The following CIT variants were observed in gnomAD, a reference collection of about 807,000 sequenced individuals.
The protein encoded by CIT is citron rho-interacting serine/threonine kinase.
CIT carries 79 observed loss-of-function variants against 272.7 expected under a neutral mutation model. The ratio of observed to expected loss-of-function variants is 0.29; its 90% CI spans 0.24 to 0.35. The LOEUF (loss-of-function observed/expected upper bound fraction) is 0.35, where lower values mean the gene tolerates loss of function less well. Ranked by LOEUF, CIT falls within the 10% of genes least tolerant of loss-of-function variation. The pLI is 1.00. For synonymous variants in CIT, 948 were observed against 995.6 expected (o/e 0.95, Z 0.90); for missense variants, 1,909 against 2,618.3 (o/e 0.73, Z 5.91).
intron 17 of CIT, among the ~76,000 whole-genome samples, chr12:119,771,893 C>T (rs912943536): frequency 3.3e-5 from 5 of 152,036 alleles, no homozygotes; most frequent in African/African-American, 1.2e-4. Flanking sequence ...CCTGGAATGA[C>T]GAGATGAATG....
chr12:119,798,519 G>A (rs1965927541), intron 10 of CIT, among the ~76,000 whole-genome samples: 1 of 152,198 alleles, frequency 6.6e-6, no homozygotes, highest in Non-Finnish European at 1.5e-5. Context: ...TTGGAACACA[G>A]CCTAGAACAC....
intron 24 of CIT, among the ~76,000 whole-genome samples, chr12:119,737,058 T>C (rs140163898): frequency 6.6e-6 from 1 of 152,154 alleles, no homozygotes; most frequent in East Asian, 1.9e-4. Flanking sequence ...TTTTCTTGCA[T>C]GTTATTTGAC....
At position 119,728,379 on chromosome 12, in the gene CIT, G is replaced by T. The variant is rs1958241234; in HGVS notation, c.3591+123C>A. On this transcript the variant is annotated intron_variant, in intron 28 of 47. Coordinates refer to ENST00000392521, the MANE Select transcript of CIT (RefSeq NM_001206999.2). This position sits in a 1 kb window ranked among gnomAD's most constrained non-coding sequence, Gnocchi z 4.3. ...TGTGGGAGGAGGAGACAGGGAGTAT[G>T]TGGGAACTCTCTGTGCTTTCTGCTC... The T allele has an allele frequency of 6.0e-6, 4 of 669,450 alleles. No individual in the cohort carries two copies. The highest frequency in any genetic ancestry group is 4.8e-5 in the Admixed American group (2 of 41,912). 41.5% of individuals were successfully genotyped at this position (669,450 alleles called of 1,614,324 possible).
chr12:119,826,096 G>T (rs1448110534), intron 7 of CIT, among the ~76,000 whole-genome samples: 1 of 151,976 alleles, frequency 6.6e-6, no homozygotes, highest in Admixed American at 6.6e-5. Context: ...AGAACTGGTG[G>T]CTAACTGGCA....
In CIT at chr12:119,709,762, A is replaced by AAGAG. The variant is rs764752861; in HGVS notation, c.5071+485_5071+488dup. Among the ~76,000 whole-genome samples the AAGAG allele has an allele frequency of 1.2e-4, 14 of 120,576 alleles. 1 individual carries two copies. The South Asian group carries it at 1.3e-3, about 11-fold the overall frequency. 79.1% of individuals were successfully genotyped at this position (120,576 alleles called of 152,430 possible). A position where few individuals can be genotyped will look rare whatever the true frequency, so the allele number is the denominator to read the frequency against. On this transcript the variant is annotated intron_variant, in intron 39 of 47. Transcript: ENST00000392521. ...CAACTAACTCTCAAATGGTTCAGGA[A>AAGAG]AGAGAGAGAGAGAGAGAGAGAGAGA...
At chr12:119,744,786 T>C (rs1014977298) in intron 23 of CIT, among the ~76,000 whole-genome samples, 1 of 151,044 alleles carries the variant, frequency 6.6e-6, no homozygotes, top group African/African-American at 2.4e-5. Flanking sequence ...TTTTTTCTAA[T>C]ATGTCTATTT....
chr12:119,709,787 A>AGAGAGAGAGTGT (rs1319008959), intron 39 of CIT, among the ~76,000 whole-genome samples: 1 of 107,634 alleles, frequency 9.3e-6, no homozygotes, highest in African/African-American at 3.5e-5. Flanking sequence ...AGAGAGAGAG[A>AGAGAGAGAGTGT]GTGTGTGTGT....
intron 24 of CIT, 68 bp from the exon 25 acceptor site, chr12:119,735,425 G>A: frequency 1.3e-6 from 2 of 1,523,134 alleles, no homozygotes; most frequent in Non-Finnish European, 1.8e-6. Flanking sequence ...TGCTTCTAGG[G>A]CTATGGATTT....
chr12:119,782,457 C>G, intron 13 of CIT, 61 bp downstream of exon 13: 1 of 1,588,406 alleles, frequency 6.3e-7, no homozygotes, highest in African/African-American at 1.3e-5. Context: ...ACACGCCTCT[C>G]CTGAAATTAG....
Position 119,713,230 on chromosome 12 carries a change from G to T in CIT, c.4552C>A (p.Leu1518Ile). Residue 1518 changes from leucine to isoleucine, a missense_variant, in exon 35 of 48, where the codon CTC becomes ATC. This residue lies in a region of CIT where 780 missense variants were observed against 1,067.2 expected (regional missense o/e 0.73). Coordinates refer to ENST00000392521, the MANE Select transcript of CIT (RefSeq NM_001206999.2). This position sits in a 1 kb window ranked among gnomAD's most constrained non-coding sequence, Gnocchi z 5.2. ...TCTCTGGCTTCATTGTCATAAATGA[G>T]GACTTTTGATCCCTCCAGGACAATG... ...KYIVLEGSKV[L>I]IYDNEAREAG... 1 of 1,613,872 alleles carries T rather than the reference G, an allele frequency of 6.2e-7. No individual in the cohort carries two copies. The highest frequency in any genetic ancestry group is 8.5e-7 in the Non-Finnish European group (1 of 1,179,840).
At chr12:119,715,013 T>A (rs1432262097) in intron 32 of CIT, among the ~76,000 whole-genome samples, 1 of 152,254 alleles carries the variant, frequency 6.6e-6, no homozygotes, top group African/African-American at 2.4e-5. Flanking sequence ...TCCCATGTGT[T>A]GGGAGGGACT....
intron 10 of CIT, 75 bp from the exon 11 acceptor site, chr12:119,785,140 T>G: frequency 6.7e-7 from 1 of 1,485,160 alleles, no homozygotes; most frequent in Non-Finnish European, 9.2e-7. Flanking sequence ...CTGCAACATT[T>G]GTTTCATTTT....
At position 119,718,489 on chromosome 12, in the gene CIT, T is replaced by C. The variant is rs1957658764; in HGVS notation, c.4004-80A>G. 1 of 1,521,416 alleles carries C rather than the reference T, an allele frequency of 6.6e-7. No homozygotes were observed. Among genetic ancestry groups the C allele is most frequent in the Non-Finnish European group, 8.9e-7 (1 of 1,126,558 alleles). 94.2% of individuals were successfully genotyped at this position (1,521,416 alleles called of 1,614,324 possible). On this transcript the variant is annotated intron_variant, in intron 31 of 47. Transcript: ENST00000392521. This position sits in a 1 kb window ranked among gnomAD's most constrained non-coding sequence, Gnocchi z 4.8. ...AACTAAGCCGAATGTCCCTGGGCTA[T>C]CTTTCAAGGACCCAAGACCAAAAGA...
chr12:119,839,673 C>T (rs982183668), intron 5 of CIT, among the ~76,000 whole-genome samples: 2 of 152,106 alleles, frequency 1.3e-5, no homozygotes, highest in African/African-American at 4.8e-5. Flanking sequence ...GCGAAAAATC[C>T]TCATTGAGTA....
rs769243652 is a variant in CIT at position 119,752,125 on chromosome 12, C to T, written c.2829G>A (p.Glu943=). ...TALQAARAAL[E]SQLRQAKTEL... ...CTGTCTTCGCCTGGCGAAGCTGGCT[C>T]TCCAGGGCCGCCCGTGCAGCCTGCA... Residue 943 remains glutamate, a synonymous_variant, in exon 23 of 48, where the codon GAG becomes GAA. Transcript: ENST00000392521. 4 of 1,612,952 alleles carry T rather than the reference C, an allele frequency of 2.5e-6. No individual in the cohort carries two copies. The highest frequency in any genetic ancestry group is 2.5e-6 in the Non-Finnish European group (3 of 1,180,032).
intron 10 of CIT, among the ~76,000 whole-genome samples, chr12:119,794,270 G>GTGAA (rs60480648): frequency 0.096 from 14,582 of 151,764 alleles, 1,637 homozygotes; most frequent in African/African-American, 0.28. Flanking sequence ...TATTTGTTGA[G>GTGAA]TGAATGAATG....
rs1192857991 is a variant in CIT, at chr12:119,712,782, GGA to G, written c.4580-89_4580-88del. 4 of 1,091,668 alleles carry G rather than the reference GGA, an allele frequency of 3.7e-6. No individual in the cohort carries two copies. The highest frequency in any genetic ancestry group is 3.1e-5 in the African/African-American group (2 of 64,652). The allele number at this position is 1,091,668 out of a possible 1,614,324, so 67.6% of individuals were successfully genotyped here. A position where few individuals can be genotyped will look rare whatever the true frequency, so the allele number is the denominator to read the frequency against. ...AAGAGAGAGCGAGAGAGACAGCAAG[GGA>G]GAGAGAGACAGGGTACGTGTGTAAA... is the stretch of plus-strand genomic sequence containing the variant. On this transcript the variant is annotated intron_variant, in intron 35 of 47. Coordinates refer to ENST00000392521, the MANE Select transcript of CIT (RefSeq NM_001206999.2). This position sits in a 1 kb window ranked among gnomAD's most constrained non-coding sequence, Gnocchi z 5.2.
intron 2 of CIT, among the ~76,000 whole-genome samples, chr12:119,872,262 G>GA (rs1950702470): frequency 6.6e-6 from 1 of 151,846 alleles, no homozygotes; most frequent in Non-Finnish European, 1.5e-5. Flanking sequence ...TAAAAAGTTG[G>GA]AAAACCTGTG....
Position 119,784,295 on chromosome 12 carries a change from A to C in CIT, c.1402-244T>G, listed in dbSNP as rs1593731867. ...CGGTTCACACTTGATCACTTCTCTA[A>C]CCCAGTTAGCAAGGAAGCCACAATC... is the stretch of plus-strand genomic sequence containing the variant. On this transcript the variant is annotated intron_variant, in intron 11 of 47. Coordinates refer to ENST00000392521, the MANE Select transcript of CIT (RefSeq NM_001206999.2). This position sits in a 1 kb window ranked among gnomAD's most constrained non-coding sequence, Gnocchi z 4.7. The C allele has an allele frequency of 6.5e-7, 1 of 1,528,082 alleles. No homozygotes were observed. The highest frequency in any genetic ancestry group is 8.9e-7 in the Non-Finnish European group (1 of 1,128,954). The allele number at this position is 1,528,082 out of a possible 1,614,324, so 94.7% of individuals were successfully genotyped here.
Sources: allele counts gnomAD v4.1 joint callset (sites outside exome capture counted in the v4.1 genomes callset), GRCh38; gene constraint gnomAD v4.1.1; regional missense constraint gnomAD v4.1.1; non-coding constraint Gnocchi (gnomAD v3.1); transcripts MANE v1.5; gene names NCBI Gene and HGNC (gene_info 2026-07-23, HGNC 2026-07-21).